Variants in MRPS16 observed in about 807,000 individuals in gnomAD.
MRPS16 encodes the protein small ribosomal subunit protein bS16m.
Under a neutral mutation model 11.0 loss-of-function variants are expected in MRPS16, and 5 were observed. The ratio of observed to expected loss-of-function variants is 0.46; its 90% confidence interval spans 0.24 to 0.96. The LOEUF (loss-of-function observed/expected upper bound fraction) is 0.96, where lower values mean the gene tolerates loss of function less well. MRPS16 is among the 40% of genes least tolerant of loss of function. The pLI is 0.20. For synonymous variants in MRPS16, 76 were observed against 65.0 expected (o/e 1.17, Z -0.81); for missense variants, 179 against 174.4 (o/e 1.03, Z -0.15).
At chr10:73,252,276 T>C in intron 1 of MRPS16, 194 bp downstream of exon 1, 2 of 1,070,806 alleles carry the variant, frequency 1.9e-6, no homozygotes, top group Non-Finnish European at 1.4e-6. Flanking sequence ...GAGCCTTAGC[T>C]GCTTCAATGG....
intron 1 of MRPS16, 191 bp from the exon 2 acceptor site, chr10:73,252,214 C>G: frequency 1.9e-6 from 2 of 1,041,084 alleles, no homozygotes; most frequent in East Asian, 5.2e-5. Context: ...CTCCTCATAC[C>G]CAAACCCACC....
intron 2 of MRPS16, 86 bp downstream of exon 2, chr10:73,251,677 A>G (rs1308523020): frequency 1.3e-6 from 2 of 1,591,844 alleles, no homozygotes; most frequent in Non-Finnish European, 1.7e-6. Context: ...CACCGTGCCC[A>G]GCCGAAAATC....
chr10:73,251,716 C>G, intron 2 of MRPS16, 47 bp downstream of exon 2: 2 of 1,613,276 alleles, frequency 1.2e-6, no homozygotes, highest in South Asian at 1.1e-5. Flanking sequence ...CTGGAGCTGA[C>G]TTCAGTTTAA....
intron 1 of MRPS16, 98 bp from the exon 2 acceptor site, chr10:73,252,121 T>C: frequency 6.7e-7 from 1 of 1,482,746 alleles, no homozygotes; most frequent in South Asian, 1.2e-5. Flanking sequence ...ATGTCTCACT[T>C]CCAATCCATT....
Position 73,250,511 on chromosome 10 carries a change from T to A in MRPS16, c.*341A>T. The A allele has an allele frequency of 2.7e-6, 1 of 366,008 alleles. No homozygotes were observed. Among genetic ancestry groups the A allele is most frequent in the South Asian group, 2.5e-5 (1 of 40,572 alleles). 22.7% of individuals were successfully genotyped at this position (366,008 alleles called of 1,614,324 possible). A position where few individuals can be genotyped will look rare whatever the true frequency, so the allele number is the denominator to read the frequency against. ...TGAACATGAAGATCTGAATGGGCCA[T>A]GAATAGTCTGGCTGGGGGTTTTGAA... On this transcript the variant is annotated 3_prime_UTR_variant, in exon 3 of 3. Transcript: ENST00000372945.
In MRPS16 at chr10:73,248,852, C is replaced by A; in HGVS notation, c.*2000G>T. On this transcript the variant is annotated 3_prime_UTR_variant, in exon 3 of 3. Transcript: ENST00000372945. ...CATTTGCTACGGAAAATTGAAATCGCACACTGAAATATCCTTTTATTGCAA... is the reference window on the plus strand; with the variant it reads ...CATTTGCTACGGAAAATTGAAATCGAACACTGAAATATCCTTTTATTGCAA... 3.0e-6 allele frequency: 1 copy of A among 334,270 alleles called. No homozygotes were observed. The highest frequency in any genetic ancestry group is 6.4e-6 in the Non-Finnish European group (1 of 157,132). The allele number at this position is 334,270 out of a possible 1,614,324, so 20.7% of individuals were successfully genotyped here.
At position 73,250,847 on chromosome 10, in the gene MRPS16, C is replaced by A. The variant is rs768838682; in HGVS notation, c.*5G>T. On this transcript the variant is annotated 3_prime_UTR_variant, in exon 3 of 3. Coordinates refer to ENST00000372945, the MANE Select transcript of MRPS16 (RefSeq NM_016065.4). ...CCACTGCTATGCTCACTAAAGTCAGCTCATTTATGTTTCTGTAGCCTCTGT... is the reference window on the plus strand; with the variant it reads ...CCACTGCTATGCTCACTAAAGTCAGATCATTTATGTTTCTGTAGCCTCTGT... The A allele has an allele frequency of 1.2e-6, 2 of 1,613,562 alleles. No individual in the cohort carries two copies. The highest frequency in any genetic ancestry group is 2.7e-5 in the African/African-American group (2 of 74,940).
intron 2 of MRPS16, 117 bp downstream of exon 2, chr10:73,251,646 G>T (rs1412335829): frequency 2.1e-6 from 3 of 1,445,878 alleles, no homozygotes; most frequent in Non-Finnish European, 2.9e-6. Context: ...CTCCCAAAGC[G>T]CTGAGATTAC....
In MRPS16 at chr10:73,249,178, A is replaced by G. The variant is rs891686375; in HGVS notation, c.*1674T>C. 6 of 1,076,370 alleles carry G rather than the reference A, an allele frequency of 5.6e-6. No individual in the cohort carries two copies. The African/African-American group carries it at 9.5e-5, about 17-fold the overall frequency. 66.7% of individuals were successfully genotyped at this position (1,076,370 alleles called of 1,614,324 possible). ...AGTGATCCTTCCACCTCAGCCTCCC[A>G]AAGTGCTGAGATTACAGGTGTGAGC... On this transcript the variant is annotated 3_prime_UTR_variant, in exon 3 of 3. Transcript: ENST00000372945.
rs984539114 is a variant in MRPS16, at chr10:73,250,386, A to G, written c.*466T>C. 1 of 122,534 alleles carries G rather than the reference A, an allele frequency of 8.2e-6. No individual in the cohort carries two copies. Among genetic ancestry groups the G allele is most frequent in the East Asian group, 3.7e-4 (1 of 2,718 alleles). 7.6% of individuals were successfully genotyped at this position (122,534 alleles called of 1,614,324 possible). The stretch of plus-strand genomic sequence containing the variant: ...GGCAACAGAACAAGACTCCGTCTCA[A>G]AAAAAAAAAAAAAAAGAGAATATGC... On this transcript the variant is annotated 3_prime_UTR_variant, in exon 3 of 3. Coordinates refer to ENST00000372945, the MANE Select transcript of MRPS16 (RefSeq NM_016065.4).
intron 2 of MRPS16, 134 bp from the exon 3 acceptor site, chr10:73,251,125 C>T: frequency 1.0e-6 from 1 of 977,930 alleles, no homozygotes; most frequent in Non-Finnish European, 1.6e-6. Context: ...ACTTGCCAAA[C>T]TCTGTACTAC....
intron 2 of MRPS16, among the ~76,000 whole-genome samples, chr10:73,251,532 C>A (rs1265818492): frequency 1.3e-5 from 2 of 150,766 alleles, no homozygotes; most frequent in South Asian, 2.2e-4. Flanking sequence ...CGTGTCACCA[C>A]GCCCAACTAA....
Position 73,252,564 on chromosome 10 carries a change from A to T in MRPS16, c.-82T>A. The T allele has an allele frequency of 6.4e-7, 1 of 1,569,876 alleles. No homozygotes were observed. Among genetic ancestry groups the T allele is most frequent in the South Asian group, 1.1e-5 (1 of 88,192 alleles). Reference sequence around the variant, plus strand: ...ACGGCCTTGGCAGGGCAGAGAACAAACACAGAAAGAACCTGCAAGCCGACA... The same window carrying T: ...ACGGCCTTGGCAGGGCAGAGAACAATCACAGAAAGAACCTGCAAGCCGACA... On this transcript the variant is annotated 5_prime_UTR_variant, in exon 1 of 3. Transcript: ENST00000372945.
rs1283227404 is a variant in MRPS16 at position 73,249,329 on chromosome 10, T to C, written c.*1523A>G. On this transcript the variant is annotated 3_prime_UTR_variant, in exon 3 of 3. Transcript: ENST00000372945. The stretch of plus-strand genomic sequence containing the variant: ...GGGAATACTTGAGACCTAAGAATGG[T>C]TGTGAGTCAAATAAAAAAGTAGAAC... 2 of 1,548,112 alleles carry C rather than the reference T, an allele frequency of 1.3e-6. No homozygotes were observed. Among genetic ancestry groups the C allele is most frequent in the East Asian group, 2.4e-5 (1 of 40,904 alleles).
Position 73,249,438 on chromosome 10 carries a change from TAC to T in MRPS16, c.*1412_*1413del. 1 of 1,009,214 alleles carries T rather than the reference TAC, an allele frequency of 9.9e-7. No homozygotes were observed. Among genetic ancestry groups the T allele is most frequent in the Non-Finnish European group, 1.4e-6 (1 of 691,012 alleles). The allele number at this position is 1,009,214 out of a possible 1,614,324, so 62.5% of individuals were successfully genotyped here. ...TGGCATCAAGGTAGGAAGGAAAAGA[TAC>T]AAGAAGTAAAATGCAACACTCATTA... On this transcript the variant is annotated 3_prime_UTR_variant, in exon 3 of 3. Coordinates refer to ENST00000372945, the MANE Select transcript of MRPS16 (RefSeq NM_016065.4).
chr10:73,252,626 C>T lies in MRPS16; in HGVS notation c.-144G>A. ...CGCCAAGCGGTACAAGCCCGAAAAC[C>T]TCGACTCCGGAAGCGGATGATCCGC... On this transcript the variant is annotated 5_prime_UTR_variant, in exon 1 of 3. Coordinates refer to ENST00000372945, the MANE Select transcript of MRPS16 (RefSeq NM_016065.4). The T allele has an allele frequency of 3.3e-6, 4 of 1,207,506 alleles. No individual in the cohort carries two copies. In the South Asian group the frequency reaches 4.0e-5, roughly 12 times the overall value. The allele number at this position is 1,207,506 out of a possible 1,614,324, so 74.8% of individuals were successfully genotyped here.
chr10:73,249,365 T>G lies in MRPS16; in HGVS notation c.*1487A>C. On this transcript the variant is annotated 3_prime_UTR_variant, in exon 3 of 3. Transcript: ENST00000372945. ...ATAAAAAAGTAGAACTAAAGTATAC[T>G]GAAGTTATTCAAATACATTCAAACT... is the stretch of plus-strand genomic sequence containing the variant. 6.6e-7 allele frequency: 1 copy of G among 1,514,462 alleles called. No homozygotes were observed. Among genetic ancestry groups the G allele is most frequent in the Non-Finnish European group, 9.0e-7 (1 of 1,117,190 alleles). The allele number at this position is 1,514,462 out of a possible 1,614,324, so 93.8% of individuals were successfully genotyped here. A position where few individuals can be genotyped will look rare whatever the true frequency, so the allele number is the denominator to read the frequency against.
chr10:73,252,643 A>G lies in MRPS16; in HGVS notation c.-161T>C. ...CCGAAAACCTCGACTCCGGAAGCGGATGATCCGCTCGCCACGCCTCCTCCG... is the reference window on the plus strand; with the variant it reads ...CCGAAAACCTCGACTCCGGAAGCGGGTGATCCGCTCGCCACGCCTCCTCCG... On this transcript the variant is annotated 5_prime_UTR_variant, in exon 1 of 3. Transcript: ENST00000372945. The G allele has an allele frequency of 3.0e-6, 3 of 1,003,170 alleles. No homozygotes were observed. The highest frequency in any genetic ancestry group is 2.6e-5 in the East Asian group (1 of 37,896). 62.1% of individuals were successfully genotyped at this position (1,003,170 alleles called of 1,614,324 possible). A position where few individuals can be genotyped will look rare whatever the true frequency, so the allele number is the denominator to read the frequency against.
Position 73,252,596 on chromosome 10 carries a change from C to A in MRPS16, c.-114G>T. ...AAGAACCTGCAAGCCGACACCAGGC[C>A]GCACCGCCAAGCGGTACAAGCCCGA... On this transcript the variant is annotated 5_prime_UTR_variant, in exon 1 of 3. Coordinates refer to ENST00000372945, the MANE Select transcript of MRPS16 (RefSeq NM_016065.4). 1 of 1,471,598 alleles carries A rather than the reference C, an allele frequency of 6.8e-7. No homozygotes were observed. Among genetic ancestry groups the A allele is most frequent in the Non-Finnish European group, 9.2e-7 (1 of 1,086,094 alleles). The allele number at this position is 1,471,598 out of a possible 1,614,324, so 91.2% of individuals were successfully genotyped here.
Sources: gnomAD v4.1 joint callset for allele counts (sites outside exome capture counted in the v4.1 genomes callset) on GRCh38, gnomAD v4.1.1 for gene constraint, MANE v1.5 for transcripts, NCBI Gene and HGNC (gene_info 2026-07-23, HGNC 2026-07-21) for gene names.